Variants in FOCAD observed in about 807,000 individuals in gnomAD.
FOCAD encodes the protein focadhesin, also known as KIAA1797.
A neutral mutation model predicts 225.6 loss-of-function variants in FOCAD; 198 were observed. The ratio of observed to expected loss-of-function variants is 0.88; its 90% confidence interval spans 0.78 to 0.99. FOCAD has a LOEUF of 0.99. Ranked by LOEUF, FOCAD falls within the 50% of genes least tolerant of loss-of-function variation. FOCAD has a pLI of 0.00. For missense variants in FOCAD, 2,713 were observed against 2,123.6 expected, an observed-to-expected ratio of 1.28 and a Z score of -5.46; for synonymous variants, 897 against 755.0, an observed-to-expected ratio of 1.19 and a Z score of -3.08.
intron 4 of FOCAD, among the ~76,000 whole-genome samples, chr9:20,735,072 C>T (rs986414785): frequency 6.6e-6 from 1 of 152,152 alleles, no homozygotes; most frequent in East Asian, 1.9e-4. Flanking sequence ...GCTTACTTCC[C>T]CCACCTACTC....
chr9:20,659,311 G>T lies in FOCAD; in HGVS notation c.-78+485G>T, dbSNP rs187164662. 2.0e-3 allele frequency among the ~76,000 whole-genome samples: 301 copies of T among 150,992 alleles called. 3 individuals are homozygous for T. In the East Asian group the frequency reaches 0.032, roughly 16 times the overall value. On this transcript the variant is annotated intron_variant, in intron 2 of 45. Coordinates refer to the FOCAD transcript ENST00000380249. ...AGTTCCAGCTAATTCGGAGGCTGAGGCATGAGAATCGCCTGAACATGGGAG... is the reference window on the plus strand; with the variant it reads ...AGTTCCAGCTAATTCGGAGGCTGAGTCATGAGAATCGCCTGAACATGGGAG...
At chr9:20,782,039 A>G in intron 10 of FOCAD, 110 bp downstream of exon 10, 1 of 896,532 alleles carries the variant, frequency 1.1e-6, no homozygotes, top group Non-Finnish European at 1.8e-6. Context: ...AGACTTCACC[A>G]TTCAGTCAGG....
intron 2 of FOCAD, among the ~76,000 whole-genome samples, chr9:20,672,917 T>G (rs978542124): frequency 2.6e-5 from 4 of 152,252 alleles, no homozygotes; most frequent in Admixed American, 2.0e-4. Context: ...TTAAATAAAC[T>G]AATAGTTTCT....
At chr9:20,833,189 T>A (rs1825680421) in intron 15 of FOCAD, among the ~76,000 whole-genome samples, 1 of 152,068 alleles carries the variant, frequency 6.6e-6, no homozygotes, top group Admixed American at 6.6e-5. Flanking sequence ...ATAATAGTCA[T>A]CCTAAAGGGT....
chr9:20,866,354 A>G (rs1336191270), intron 17 of FOCAD, among the ~76,000 whole-genome samples: 1 of 152,004 alleles, frequency 6.6e-6, no homozygotes, highest in Non-Finnish European at 1.5e-5. Context: ...AGGATTATAT[A>G]TAGAGACTGC....
chr9:20,921,329 T>A (rs1188111593), intron 24 of FOCAD, among the ~76,000 whole-genome samples: 1 of 152,216 alleles, frequency 6.6e-6, no homozygotes, highest in African/African-American at 2.4e-5. Flanking sequence ...ACAATTTAAT[T>A]AAAACGTCGG....
At chr9:20,688,422 G>A (rs1242658396) in intron 1 of FOCAD, among the ~76,000 whole-genome samples, 1 of 152,184 alleles carries the variant, frequency 6.6e-6, no homozygotes, top group Non-Finnish European at 1.5e-5. Context: ...AATCACATGA[G>A]CAATATCAGA....
chr9:20,696,350 A>G (rs974510494), intron 1 of FOCAD, among the ~76,000 whole-genome samples: 12 of 152,222 alleles, frequency 7.9e-5, no homozygotes, highest in African/African-American at 2.9e-4. Flanking sequence ...ACACACACAC[A>G]CAATGGTAAC....
intron 4 of FOCAD, among the ~76,000 whole-genome samples, chr9:20,732,016 T>G (rs1343208735): frequency 6.6e-6 from 1 of 152,314 alleles, no homozygotes; most frequent in East Asian, 1.9e-4. Context: ...TAGGTAAACA[T>G]GTGCCGTGGT....
intron 1 of FOCAD, among the ~76,000 whole-genome samples, chr9:20,690,376 T>A (rs924476405): frequency 2.0e-5 from 3 of 152,346 alleles, no homozygotes; most frequent in Non-Finnish European, 1.5e-5. Flanking sequence ...CCATTCCTGC[T>A]TAAGCCACTG....
upstream of FOCAD, chr9:20,658,236 T>G (rs1821577197): frequency 6.5e-6 from 1 of 153,718 alleles, no homozygotes; most frequent in African/African-American, 2.4e-5. Flanking sequence ...TTTTTGTTTG[T>G]CTGTGCCCTG....
chr9:20,990,136 T>C lies in FOCAD; in HGVS notation c.5018T>C (p.Phe1673Ser). ...NTALDKALDF[F>S]LLIFATAVVA... ...TTTTCATCGTAGGCTTTGGACTTCTTCTTGCTGATATTTGCAACCGCAGTG... is the reference window on the plus strand; with the variant it reads ...TTTTCATCGTAGGCTTTGGACTTCTCCTTGCTGATATTTGCAACCGCAGTG... The change falls in exon 42 of 44, where the codon TTC (phenylalanine) becomes TCC (serine). Residue 1673 changes from phenylalanine to serine, a missense_variant. Coordinates refer to ENST00000338382, the MANE Select transcript of FOCAD (RefSeq NM_001375567.1). The C allele has an allele frequency of 6.2e-7, 1 of 1,614,224 alleles. No individual in the cohort carries two copies. The highest frequency in any genetic ancestry group is 8.5e-7 in the Non-Finnish European group (1 of 1,180,018).
chr9:20,673,425 C>A (rs1476000255), intron 2 of FOCAD, among the ~76,000 whole-genome samples: 1 of 152,100 alleles, frequency 6.6e-6, no homozygotes, highest in African/African-American at 2.4e-5. Context: ...GCATCGGCAT[C>A]ATTTATTGTC....
intron 21 of FOCAD, among the ~76,000 whole-genome samples, chr9:20,890,506 C>T (rs765094942): frequency 3.3e-5 from 5 of 151,824 alleles, no homozygotes; most frequent in African/African-American, 7.3e-5. Context: ...TGTAAACCAA[C>T]CTTGCATTCC....
chr9:20,961,040 G>A (rs1443561459), intron 35 of FOCAD, among the ~76,000 whole-genome samples: 1 of 151,948 alleles, frequency 6.6e-6, no homozygotes, highest in Non-Finnish European at 1.5e-5. Context: ...TGTGAATAGT[G>A]CCACAATAAA....
intron 15 of FOCAD, among the ~76,000 whole-genome samples, chr9:20,824,383 A>G (rs1054592677): frequency 1.3e-5 from 2 of 152,080 alleles, no homozygotes; most frequent in Non-Finnish European, 2.9e-5. Flanking sequence ...TTTTCCTAAC[A>G]GGCATCAACT....
chr9:20,818,004 C>A (rs1380775675), intron 11 of FOCAD, among the ~76,000 whole-genome samples: 1 of 152,148 alleles, frequency 6.6e-6, no homozygotes, highest in African/African-American at 2.4e-5. Flanking sequence ...TTACCACGAG[C>A]AGTGTACAAG....
chr9:20,820,096 A>G (rs567303713), intron 12 of FOCAD, among the ~76,000 whole-genome samples, 196 bp downstream of exon 12: 1 of 152,204 alleles, frequency 6.6e-6, no homozygotes. Flanking sequence ...ATTACTTAGT[A>G]TCTAAGTTTT....
chr9:20,673,066 G>C (rs1473934219), intron 2 of FOCAD, among the ~76,000 whole-genome samples: 1 of 152,210 alleles, frequency 6.6e-6, no homozygotes, highest in African/African-American at 2.4e-5. Flanking sequence ...CAGTGGCAAT[G>C]AATGTCTGAA....
Sources: allele counts gnomAD v4.1 joint callset (sites outside exome capture counted in the v4.1 genomes callset), GRCh38; gene constraint gnomAD v4.1.1; transcripts MANE v1.5; gene names NCBI Gene and HGNC (gene_info 2026-07-23, HGNC 2026-07-21).